Variants in TSC22D4 observed in about 807,000 individuals in gnomAD.
The protein encoded by TSC22D4 is TSC22 domain family member 4, also known as TSC22 domain family protein 4.
A neutral mutation model predicts 24.9 loss-of-function variants in TSC22D4; 5 were observed. The observed-to-expected ratio is 0.20, with a 90% CI of 0.10 to 0.42. TSC22D4 has a LOEUF of 0.42. TSC22D4 is among the 10% of genes least tolerant of loss of function. TSC22D4 has a pLI of 1.00. For missense variants in TSC22D4, 469 were observed against 547.9 expected (o/e 0.86, Z 1.44); for synonymous variants, 245 against 243.2 (o/e 1.01, Z -0.07).
rs754616032 is a variant in TSC22D4 at position 100,477,723 on chromosome 7, C to G, written c.316G>C (p.Gly106Arg). The stretch of plus-strand genomic sequence containing the variant: ...CCTCGAATTCCCTCCAGGAGTCCGC[C>G]GAAGCTGTGGGGCTCCAGGTCTCGC... Reference protein sequence around the residue: ...YERDLEPHSFGGLLEGIRGAS... With the variant: ...YERDLEPHSFRGLLEGIRGAS... The change falls in exon 2 of 5, where the codon GGC becomes CGC. Residue 106 changes from glycine to arginine, a missense_variant. Transcript: ENST00000300181. This position sits in a 1 kb window ranked among gnomAD's most constrained non-coding sequence, Gnocchi z 7.8. 3.1e-6 allele frequency: 5 copies of G among 1,601,262 alleles called. No individual in the cohort carries two copies. The South Asian group carries it at 3.3e-5, about 11-fold the overall frequency.
chr7:100,467,934 C>A, intron 3 of TSC22D4: 1 of 542,326 alleles, frequency 1.8e-6, no homozygotes, highest in Admixed American at 2.2e-5. Context: ...AGACCCCTGG[C>A]TGGGCCATGC....
Position 100,477,602 on chromosome 7 carries a change from T to C in TSC22D4, c.437A>G (p.Gln146Arg), listed in dbSNP as rs1338920909. The C allele has an allele frequency of 1.3e-6, 2 of 1,596,760 alleles. No individual in the cohort carries two copies. The highest frequency in any genetic ancestry group is 1.7e-5 in the Admixed American group (1 of 57,684). Residue 146 changes from glutamine (Q) to arginine (R), a missense_variant, in exon 2 of 5, where the codon CAG becomes CGG. Gln to Arg is a conservative substitution (Grantham distance 43). Coordinates refer to ENST00000300181, the MANE Select transcript of TSC22D4 (RefSeq NM_030935.5). This position sits in a 1 kb window ranked among gnomAD's most constrained non-coding sequence, Gnocchi z 7.8. ...GAPTPPSGLSQGPTSWLRPPP... is the reference protein window; with the variant it reads ...GAPTPPSGLSRGPTSWLRPPP... ...TGGACGGAGCCAGGAGGTGGGGCCC[T>C]GAGACAGGCCTGACGGTGGGGTGGG...
chr7:100,471,473 C>T (rs1211007001), intron 3 of TSC22D4, among the ~76,000 whole-genome samples: 3 of 152,122 alleles, frequency 2.0e-5, no homozygotes, highest in African/African-American at 7.2e-5. Context: ...GGTGAGGTGG[C>T]TCATGCTTGT....
chr7:100,471,597 G>T (rs1478418115), intron 3 of TSC22D4, among the ~76,000 whole-genome samples: 3 of 152,002 alleles, frequency 2.0e-5, no homozygotes, highest in Non-Finnish European at 4.4e-5. Context: ...AAAATTAGCC[G>T]GGCATGGTGG....
chr7:100,474,121 G>T lies in TSC22D4; in HGVS notation c.929+153C>A. On this transcript the variant is annotated intron_variant, in intron 3 of 4. Transcript: ENST00000300181. The surrounding 1 kb of genome is among the most constrained non-coding windows in gnomAD (Gnocchi z 4.3). ...GGAGTGGGTCCGAAATCAACTGTGT[G>T]CAGTGGCTATGCCCAGGCCAGGTTT... 1 of 929,434 alleles carries T rather than the reference G, an allele frequency of 1.1e-6. No individual in the cohort carries two copies. Among genetic ancestry groups the T allele is most frequent in the Non-Finnish European group, 1.6e-6 (1 of 621,472 alleles). 57.6% of individuals were successfully genotyped at this position (929,434 alleles called of 1,614,324 possible).
At chr7:100,468,899 T>C (rs1799340745) in intron 3 of TSC22D4, among the ~76,000 whole-genome samples, 2 of 149,018 alleles carry the variant, frequency 1.3e-5, no homozygotes, top group South Asian at 4.2e-4. Flanking sequence ...ATCGTGCTAC[T>C]GCACTCCAGC....
rs1173320270 is a variant in TSC22D4 at position 100,466,702 on chromosome 7, G to C, written c.*257C>G. 5.7e-6 allele frequency: 3 copies of C among 523,618 alleles called. No homozygotes were observed. In the African/African-American group the frequency reaches 5.8e-5, roughly 10 times the overall value. The allele number at this position is 523,618 out of a possible 1,614,324, so 32.4% of individuals were successfully genotyped here. ...ACTCCCCCAAGCCGTCTACTGCTGGGGGGTCCCAGGAGGGAGGGTGGGGGT... is the reference window on the plus strand; with the variant it reads ...ACTCCCCCAAGCCGTCTACTGCTGGCGGGTCCCAGGAGGGAGGGTGGGGGT... On this transcript the variant is annotated 3_prime_UTR_variant, in exon 5 of 5. Coordinates refer to ENST00000300181, the MANE Select transcript of TSC22D4 (RefSeq NM_030935.5).
rs1799512001 is a variant in TSC22D4, at chr7:100,477,185, A to AGG, written c.762+90_762+91dup. The AGG allele has an allele frequency of 9.5e-7, 1 of 1,055,164 alleles. No homozygotes were observed. The highest frequency in any genetic ancestry group is 1.9e-5 in the African/African-American group (1 of 53,152). 65.4% of individuals were successfully genotyped at this position (1,055,164 alleles called of 1,614,324 possible). A position where few individuals can be genotyped will look rare whatever the true frequency, so the allele number is the denominator to read the frequency against. The stretch of plus-strand genomic sequence containing the variant: ...ATCTGATCTTATAAAGTGATGGAGA[A>AGG]GGAGGAGGAGAGGGGGGGGAGGAGG... On this transcript the variant is annotated intron_variant, in intron 2 of 4. Coordinates refer to ENST00000300181, the MANE Select transcript of TSC22D4 (RefSeq NM_030935.5). The surrounding 1 kb of genome is among the most constrained non-coding windows in gnomAD (Gnocchi z 7.8).
At position 100,477,506 on chromosome 7, in the gene TSC22D4, T is replaced by C; in HGVS notation, c.533A>G (p.Lys178Arg). The C allele has an allele frequency of 6.4e-7, 1 of 1,556,102 alleles. No homozygotes were observed. The highest frequency in any genetic ancestry group is 8.7e-7 in the Non-Finnish European group (1 of 1,151,402). ...CAGTGGGGGTTTCTCTGCCTTGGCT[T>C]TGCTGGGCACCACCAGCTGGCCCAG... ...GGLGQLVVPS[K>R]AKAEKPPLSA... is the part of the protein sequence containing the mutation. The change falls in exon 2 of 5, where the codon AAA becomes AGA. Residue 178 changes from lysine (K) to arginine (R), a missense_variant. Coordinates refer to ENST00000300181, the MANE Select transcript of TSC22D4 (RefSeq NM_030935.5). The surrounding 1 kb of genome is among the most constrained non-coding windows in gnomAD (Gnocchi z 7.8).
rs976646663 is a variant in TSC22D4 at position 100,471,969 on chromosome 7, A to T, written c.929+2305T>A. ...CAGGCCGGTCACTGCCCCCACCCCCATTCCTTCCATCCACTTCTTCACACC... is the reference window on the plus strand; with the variant it reads ...CAGGCCGGTCACTGCCCCCACCCCCTTTCCTTCCATCCACTTCTTCACACC... On this transcript the variant is annotated intron_variant, in intron 3 of 4. Coordinates refer to ENST00000300181, the MANE Select transcript of TSC22D4 (RefSeq NM_030935.5). Among the ~76,000 whole-genome samples the T allele has an allele frequency of 3.3e-5, 5 of 150,848 alleles. No individual in the cohort carries two copies. The South Asian group carries it at 6.3e-4, about 19-fold the overall frequency.
Position 100,469,104 on chromosome 7 carries a change from G to A in TSC22D4, c.930-1504C>T, listed in dbSNP as rs190545228. ...TAGCTGGGCATGGTGGGGGGTGCCT[G>A]TAATCCTAGCTACTCTGGAGGCTGA... On this transcript the variant is annotated intron_variant, in intron 3 of 4. Transcript: ENST00000300181. Among the ~76,000 whole-genome samples the A allele has an allele frequency of 1.4e-3, 212 of 151,124 alleles. 1 individual carries two copies. The highest frequency in any genetic ancestry group is 4.8e-3 in the African/African-American group (197 of 41,066).
intron 1 of TSC22D4, 61 bp from the exon 2 acceptor site, chr7:100,478,368 T>A (rs1261530678): frequency 2.6e-4 from 63 of 239,918 alleles, no homozygotes; most frequent in African/African-American, 9.7e-4. Flanking sequence ...TGTGTGTGTG[T>A]GTGTGTGTGT....
intron 3 of TSC22D4, among the ~76,000 whole-genome samples, chr7:100,472,222 C>A (rs745350872): frequency 6.6e-6 from 1 of 152,156 alleles, no homozygotes; most frequent in Non-Finnish European, 1.5e-5. Flanking sequence ...CCTGTGCACA[C>A]CAGACAGGAG....
Position 100,477,934 on chromosome 7 carries a change from G to A in TSC22D4, c.105C>T (p.Pro35=), listed in dbSNP as rs746759043. 6.4e-7 allele frequency: 1 copy of A among 1,554,002 alleles called. No individual in the cohort carries two copies. Among genetic ancestry groups the A allele is most frequent in the Non-Finnish European group, 8.7e-7 (1 of 1,149,448 alleles). The change falls in exon 2 of 5, where the codon CCC becomes CCT. Residue 35 remains proline (P), a synonymous_variant. Transcript: ENST00000300181. The surrounding 1 kb of genome is among the most constrained non-coding windows in gnomAD (Gnocchi z 7.8). ...PGASDPPTPQ[P]PTGPPPRLPN... ...GCAGGCGGGGCGGGGGCCCGGTTGG[G>A]GGCTGTGGGGTAGGGGGATCCGAAG...
intron 2 of TSC22D4, among the ~76,000 whole-genome samples, chr7:100,475,731 T>A (rs1799483880): frequency 6.9e-6 from 1 of 145,792 alleles, no homozygotes; most frequent in Non-Finnish European, 1.5e-5. Context: ...TGGACCTGCA[T>A]AGCCCAACAG....
chr7:100,478,178 G>T lies in TSC22D4; in HGVS notation c.-140C>A. 7.1e-6 allele frequency: 5 copies of T among 703,718 alleles called. No individual in the cohort carries two copies. The South Asian group carries it at 9.6e-5, about 14-fold the overall frequency. 43.6% of individuals were successfully genotyped at this position (703,718 alleles called of 1,614,324 possible). ...GACGTCTGGGTCCGACATGGCAGGA[G>T]GGCCTGGCGGGAACCGGGGGTGCCT... On this transcript the variant is annotated 5_prime_UTR_variant, in exon 2 of 5. Transcript: ENST00000300181.
chr7:100,477,303 A>C lies in TSC22D4; in HGVS notation c.736T>G (p.Leu246Val), dbSNP rs752617874. 1 of 1,519,614 alleles carries C rather than the reference A, an allele frequency of 6.6e-7. No homozygotes were observed. The highest frequency in any genetic ancestry group is 1.3e-5 in the South Asian group (1 of 76,506). 94.1% of individuals were successfully genotyped at this position (1,519,614 alleles called of 1,614,324 possible). The change falls in exon 2 of 5, where the codon TTG (leucine) becomes GTG (valine). Residue 246 changes from leucine to valine, a missense_variant. Coordinates refer to ENST00000300181, the MANE Select transcript of TSC22D4 (RefSeq NM_030935.5). This position sits in a 1 kb window ranked among gnomAD's most constrained non-coding sequence, Gnocchi z 7.8. ...TGCCCCATCTCTTCTGGAGCACCCAACTCCATCCGCAGCCGCATGTCTACA... is the reference window on the plus strand; with the variant it reads ...TGCCCCATCTCTTCTGGAGCACCCACCTCCATCCGCAGCCGCATGTCTACA... The part of the protein sequence containing the change: ...KAVDMRLRME[L>V]GAPEEMGQVP...
intron 3 of TSC22D4, among the ~76,000 whole-genome samples, chr7:100,472,653 C>CG (rs1320524257): frequency 3.3e-5 from 5 of 152,026 alleles, no homozygotes; most frequent in African/African-American, 1.2e-4. Context: ...TCACACCTCG[C>CG]ACATTCCTGA....
intron 4 of TSC22D4, 120 bp downstream of exon 4, chr7:100,467,432 C>T: frequency 8.6e-7 from 1 of 1,160,950 alleles, no homozygotes; most frequent in Non-Finnish European, 1.3e-6. Flanking sequence ...AGCAGCCCAG[C>T]AGGGAGAGGG....
Sources: gnomAD v4.1 joint callset for allele counts (sites outside exome capture counted in the v4.1 genomes callset) on GRCh38, gnomAD v4.1.1 for gene constraint, Gnocchi (gnomAD v3.1) non-coding constraint, MANE v1.5 for transcripts, NCBI Gene and HGNC (gene_info 2026-07-23, HGNC 2026-07-21) for gene names.